The following PNPT1 variants were observed in gnomAD, a reference collection of about 807,000 sequenced individuals.
PNPT1 encodes the protein polyribonucleotide nucleotidyltransferase 1.
Under a neutral mutation model 119.5 loss-of-function variants are expected in PNPT1, and 53 were observed. The ratio of observed to expected loss-of-function variants is 0.44; its 90% CI spans 0.36 to 0.56. The LOEUF (loss-of-function observed/expected upper bound fraction) is 0.56. Ranked by LOEUF, PNPT1 falls within the 20% of genes least tolerant of loss-of-function variation. The pLI, the probability that PNPT1 is intolerant of heterozygous loss-of-function variation, is 0.00. For missense variants in PNPT1, 948 were observed against 938.5 expected (o/e 1.01, Z -0.13); for synonymous variants, 357 against 322.1 (o/e 1.11, Z -1.16).
At chr2:55,667,746 T>A in intron 12 of PNPT1, 116 bp downstream of exon 12, 1 of 1,322,584 alleles carries the variant, frequency 7.6e-7, no homozygotes, top group African/African-American at 1.5e-5. Flanking sequence ...GCAAATATTA[T>A]AATTCTTTAC....
Position 55,692,459 on chromosome 2 carries a change from G to A in PNPT1, c.161+1204C>T, listed in dbSNP as rs929414918. The stretch of plus-strand genomic sequence containing the variant: ...TTTCAAAGTACACGTAAAAAATTTA[G>A]ATATATGAAGTTTGCATTAGCAATT... On this transcript the variant is annotated intron_variant, in intron 1 of 27. Coordinates refer to ENST00000447944, the MANE Select transcript of PNPT1 (RefSeq NM_033109.5). Among the ~76,000 whole-genome samples, 23 of 152,224 alleles carry A rather than the reference G, an allele frequency of 1.5e-4. 1 individual carries two copies. Among genetic ancestry groups the A allele is most frequent in the Admixed American group, 1.4e-3 (22 of 15,288 alleles).
At chr2:55,642,438 C>G (rs2104024431) in intron 25 of PNPT1, among the ~76,000 whole-genome samples, 1 of 151,578 alleles carries the variant, frequency 6.6e-6, no homozygotes, top group Admixed American at 6.6e-5. Flanking sequence ...AACCCCGTCT[C>G]TACTAAAAAT....
At chr2:55,656,004 A>C in intron 17 of PNPT1, 127 bp downstream of exon 17, 4 of 1,184,500 alleles carry the variant, frequency 3.4e-6, no homozygotes, top group Non-Finnish European at 4.6e-6. Context: ...AACTCAATAC[A>C]TTTTTCTCTT....
intron 17 of PNPT1, 133 bp from the exon 18 acceptor site, chr2:55,655,086 C>T: frequency 1.2e-6 from 1 of 845,764 alleles, no homozygotes; most frequent in Admixed American, 2.8e-5. Context: ...TTAAAAGCAA[C>T]TAAGGCAAGG....
rs1695887451 is a variant in PNPT1, at chr2:55,643,210, C to T, written c.2017G>A (p.Glu673Lys). 2 of 1,613,992 alleles carry T rather than the reference C, an allele frequency of 1.2e-6. No individual in the cohort carries two copies. Among genetic ancestry groups the T allele is most frequent in the Non-Finnish European group, 1.7e-6 (2 of 1,180,030 alleles). ...FITEICKDDQ[E>K]QQLEFGAVYT... Reference sequence around the variant, plus strand: ...ACTGCTCCAAATTCTAATTGCTGCTCCTGCTGTAAGTGCAAAATAAGCCAT... The same window carrying T: ...ACTGCTCCAAATTCTAATTGCTGCTTCTGCTGTAAGTGCAAAATAAGCCAT... Residue 673 changes from glutamate to lysine, a missense_variant, in exon 25 of 28, where the codon GAG (glutamate) becomes AAG (lysine). Coordinates refer to ENST00000447944, the MANE Select transcript of PNPT1 (RefSeq NM_033109.5).
chr2:55,676,164 T>G (rs782625), intron 8 of PNPT1, among the ~76,000 whole-genome samples: 140,771 of 151,260 alleles, frequency 0.93, 66,009 homozygotes, highest in African/African-American at 0.96. Context: ...GGAGGCCGAG[T>G]CAAGAGAATC....
At chr2:55,656,493 A>G (rs1225808483) in intron 15 of PNPT1, 122 bp from the exon 16 acceptor site, 1 of 858,104 alleles carries the variant, frequency 1.2e-6, no homozygotes, top group Non-Finnish European at 1.8e-6. Flanking sequence ...TTTTTAAAAA[A>G]GTACATTCAT....
chr2:55,650,287 C>T (rs12473621), intron 18 of PNPT1, among the ~76,000 whole-genome samples: 46,773 of 151,978 alleles, frequency 0.31, 7,327 homozygotes, highest in South Asian at 0.39. Context: ...CGATTGCAGG[C>T]GCGCGCCGCC....
chr2:55,672,886 T>G lies in PNPT1; in HGVS notation c.866+7A>C. ...TTTCATATTTTCATTTGCACAGATG[T>G]TCTTACTTATGAGTATATTTCACAA... On this transcript the variant is annotated splice_region_variant and intron_variant, in intron 9 of 27. Transcript: ENST00000447944. 3 of 1,580,090 alleles carry G rather than the reference T, an allele frequency of 1.9e-6. No homozygotes were observed. Among genetic ancestry groups the G allele is most frequent in the Non-Finnish European group, 2.6e-6 (3 of 1,168,324 alleles).
chr2:55,644,599 A>G (rs1695929749), intron 23 of PNPT1, 38 bp downstream of exon 23: 1 of 1,478,092 alleles, frequency 6.8e-7, no homozygotes, highest in African/African-American at 1.4e-5. Flanking sequence ...ATGGTCTAGC[A>G]TTTAATTAAA....
intron 1 of PNPT1, 112 bp from the exon 2 acceptor site, chr2:55,687,817 A>G: frequency 1.5e-6 from 1 of 671,482 alleles, no homozygotes; most frequent in Non-Finnish European, 2.3e-6. Context: ...CAACCCACCC[A>G]CTCCACCAAC....
At chr2:55,643,242 C>A (rs1357540501) in intron 24 of PNPT1, 29 bp from the exon 25 acceptor site, 11 of 1,613,990 alleles carry the variant, frequency 6.8e-6, no homozygotes, top group Non-Finnish European at 9.3e-6. Context: ...CCATAAGATT[C>A]ATAAAGAAAA....
intron 8 of PNPT1, among the ~76,000 whole-genome samples, chr2:55,679,125 T>A (rs1023609961): frequency 3.3e-5 from 5 of 152,180 alleles, no homozygotes; most frequent in African/African-American, 1.2e-4. Flanking sequence ...AGGACCTGAT[T>A]TTCGTTCATG....
chr2:55,668,047 T>G (rs970337820), intron 11 of PNPT1, 89 bp from the exon 12 acceptor site: 1 of 1,139,316 alleles, frequency 8.8e-7, no homozygotes, highest in Non-Finnish European at 1.2e-6. Context: ...ATCAACTAAC[T>G]ACGGGAATCA....
At chr2:55,652,360 T>TG (rs1696237970) in intron 18 of PNPT1, among the ~76,000 whole-genome samples, 1 of 152,200 alleles carries the variant, frequency 6.6e-6, no homozygotes, top group African/African-American at 2.4e-5. Flanking sequence ...TCTTATCAAA[T>TG]TTAATTTTTT....
rs1396560036 is a variant in PNPT1, at chr2:55,635,132, A to G, written c.*1105T>C. 1 of 152,176 alleles carries G rather than the reference A, an allele frequency of 6.6e-6. No individual in the cohort carries two copies. The highest frequency in any genetic ancestry group is 1.5e-5 in the Non-Finnish European group (1 of 68,032). The allele number at this position is 152,176 out of a possible 1,614,324, so 9.4% of individuals were successfully genotyped here. On this transcript the variant is annotated 3_prime_UTR_variant, in exon 28 of 28. Transcript: ENST00000447944. ...ATACCATTTACTTTTCTGTGGAATT[A>G]TAAGGTGATATTTTAAATGATGGGA...
chr2:55,686,024 C>T (rs1697396114), intron 3 of PNPT1, among the ~76,000 whole-genome samples: 1 of 152,070 alleles, frequency 6.6e-6, no homozygotes, highest in African/African-American at 2.4e-5. Flanking sequence ...TCCATGGATG[C>T]AAAACCCAAG....
At chr2:55,663,692 G>A (rs967803837) in intron 13 of PNPT1, among the ~76,000 whole-genome samples, 2 of 152,028 alleles carry the variant, frequency 1.3e-5, no homozygotes, top group Admixed American at 6.6e-5. Flanking sequence ...AAAAAACACT[G>A]AAACGGCTGG....
rs780819329 is a variant in PNPT1, at chr2:55,656,356, T to A, written c.1300A>T (p.Thr434Ser). ...CCAGTGACTTTGCCAATTTCATTAG[T>A]TGCATAAGGAGGAAACTTAAAAAAA... ...MLHYEFPPYA[T>S]NEIGKVTGLN... Residue 434 changes from threonine to serine, a missense_variant, in exon 16 of 28, where the codon ACT becomes TCT. Coordinates refer to ENST00000447944, the MANE Select transcript of PNPT1 (RefSeq NM_033109.5). 6.2e-7 allele frequency: 1 copy of A among 1,607,968 alleles called. No individual in the cohort carries two copies. Among genetic ancestry groups the A allele is most frequent in the Non-Finnish European group, 8.5e-7 (1 of 1,178,234 alleles).
Sources: allele counts gnomAD v4.1 joint callset (sites outside exome capture counted in the v4.1 genomes callset), GRCh38; gene constraint gnomAD v4.1.1; transcripts MANE v1.5; gene names NCBI Gene and HGNC (gene_info 2026-07-23, HGNC 2026-07-21).